The following CAMKK2 variants were observed in gnomAD, a reference collection of about 807,000 sequenced individuals.
The protein encoded by CAMKK2 is calcium/calmodulin dependent protein kinase kinase 2, also known as calcium/calmodulin-dependent protein kinase kinase 2.
A neutral mutation model predicts 67.2 loss-of-function variants in CAMKK2; 30 were observed. The ratio of observed to expected loss-of-function variants is 0.45; its 90% CI spans 0.33 to 0.61. The LOEUF (loss-of-function observed/expected upper bound fraction) is 0.61. Among genes scored for constraint, CAMKK2 ranks in the 20% least tolerant of loss-of-function variants. CAMKK2 has a pLI of 0.02. For missense variants in CAMKK2, 643 were observed against 802.0 expected, an observed-to-expected ratio of 0.80 and a Z score of 2.39; for synonymous variants, 322 against 326.2, an observed-to-expected ratio of 0.99 and a Z score of 0.14.
intron 6 of CAMKK2, among the ~76,000 whole-genome samples, chr12:121,260,727 C>A (rs112351334): frequency 6.6e-6 from 1 of 151,818 alleles, no homozygotes; most frequent in Admixed American, 6.6e-5. Flanking sequence ...CCGAGGCGGG[C>A]GGATCACCTG....
In CAMKK2 at chr12:121,240,283, CA is replaced by C; in HGVS notation, c.*415del. On this transcript the variant is annotated 3_prime_UTR_variant, in exon 17 of 17. Transcript: ENST00000404169. The surrounding 1 kb of genome is among the most constrained non-coding windows in gnomAD (Gnocchi z 4.4). ...GCCCCCTACTCCCTCTCAAATGCAG[CA>C]ACCACCTCCATGGCCTCAGACCGCC... 2 of 708,638 alleles carry C rather than the reference CA, an allele frequency of 2.8e-6. No homozygotes were observed. Among genetic ancestry groups the C allele is most frequent in the Non-Finnish European group, 4.6e-6 (2 of 434,684 alleles). 43.9% of individuals were successfully genotyped at this position (708,638 alleles called of 1,614,324 possible). A position where few individuals can be genotyped will look rare whatever the true frequency, so the allele number is the denominator to read the frequency against.
intron 1 of CAMKK2, among the ~76,000 whole-genome samples, chr12:121,283,004 C>T: frequency 6.6e-6 from 1 of 152,200 alleles, no homozygotes; most frequent in Non-Finnish European, 1.5e-5. Context: ...ATCCACCCGC[C>T]TCAGCCTCCC....
At chr12:121,244,986 G>A (rs1889143161) in intron 15 of CAMKK2, among the ~76,000 whole-genome samples, 154 bp downstream of exon 15, 1 of 152,246 alleles carries the variant, frequency 6.6e-6, no homozygotes, top group Admixed American at 6.5e-5. Flanking sequence ...AGGTTGGGGT[G>A]CTGACTGTCC....
At chr12:121,289,922 G>T (rs947697482) in intron 1 of CAMKK2, among the ~76,000 whole-genome samples, 2 of 151,392 alleles carry the variant, frequency 1.3e-5, no homozygotes, top group Non-Finnish European at 2.9e-5. Context: ...GGCGGGGCGG[G>T]GAGCCAAGGG....
In CAMKK2 at chr12:121,273,972, GC is replaced by G. The variant is rs1256445369; in HGVS notation, c.471+83del. On this transcript the variant is annotated intron_variant, in intron 2 of 16. Coordinates refer to ENST00000404169, the MANE Select transcript of CAMKK2 (RefSeq NM_001270485.2). ...GTGGCACTCAGATCCTTCTGGGGGA[GC>G]CCAACCTTCCACAGAGGCCCTGCTG... 50 of 1,097,726 alleles carry G rather than the reference GC, an allele frequency of 4.6e-5. No individual in the cohort carries two copies. In the Middle Eastern group the frequency reaches 1.6e-3, roughly 35 times the overall value. The allele number at this position is 1,097,726 out of a possible 1,614,324, so 68.0% of individuals were successfully genotyped here. A position where few individuals can be genotyped will look rare whatever the true frequency, so the allele number is the denominator to read the frequency against.
At chr12:121,283,557 G>A (rs960004989) in intron 1 of CAMKK2, among the ~76,000 whole-genome samples, 8 of 152,184 alleles carry the variant, frequency 5.3e-5, no homozygotes, top group African/African-American at 1.9e-4. Context: ...GCTCATGGCC[G>A]TAATCCCAGC....
Position 121,240,209 on chromosome 12 carries a change from G to A in CAMKK2, c.*490C>T, listed in dbSNP as rs919902319. The stretch of plus-strand genomic sequence containing the variant: ...CCCTGCTCTGACTCCTTGAGACCAC[G>A]GCTCTGGAAGGTGCCATGGTTTCCG... On this transcript the variant is annotated 3_prime_UTR_variant, in exon 17 of 17. Transcript: ENST00000404169. The surrounding 1 kb of genome is among the most constrained non-coding windows in gnomAD (Gnocchi z 4.4). The A allele has an allele frequency of 1.8e-6, 1 of 567,840 alleles. No individual in the cohort carries two copies. The highest frequency in any genetic ancestry group is 3.4e-5 in the Admixed American group (1 of 29,594). The allele number at this position is 567,840 out of a possible 1,614,324, so 35.2% of individuals were successfully genotyped here.
chr12:121,251,128 T>C (rs1490681338), intron 11 of CAMKK2, among the ~76,000 whole-genome samples: 1 of 152,226 alleles, frequency 6.6e-6, no homozygotes, highest in Non-Finnish European at 1.5e-5. Context: ...ACCACCCGTC[T>C]AAGGAAAACG....
At chr12:121,289,443 T>C (rs1899513353) in intron 1 of CAMKK2, among the ~76,000 whole-genome samples, 1 of 152,130 alleles carries the variant, frequency 6.6e-6, no homozygotes, top group South Asian at 2.1e-4. Context: ...ATTATCTTGG[T>C]TTTGTTGAGA....
chr12:121,254,816 TTC>T (rs1891525760), intron 9 of CAMKK2, among the ~76,000 whole-genome samples: 1 of 152,152 alleles, frequency 6.6e-6, no homozygotes, highest in South Asian at 2.1e-4. Flanking sequence ...TTTCACACAA[TTC>T]TGTTTCCCAC....
At chr12:121,290,571 G>T (rs113000354) in intron 1 of CAMKK2, among the ~76,000 whole-genome samples, 6,801 of 152,030 alleles carry the variant, frequency 0.045, 448 homozygotes, top group African/African-American at 0.14. Context: ...AGGGCTGTAG[G>T]CCCAGCTACT....
At chr12:121,246,374 C>T (rs1301745017) in intron 14 of CAMKK2, among the ~76,000 whole-genome samples, 6 of 151,658 alleles carry the variant, frequency 4.0e-5, no homozygotes, top group African/African-American at 9.7e-5. Context: ...GGAGAAACCG[C>T]GTCTCCACTA....
At chr12:121,271,246 C>A (rs2136407928) in intron 2 of CAMKK2, among the ~76,000 whole-genome samples, 1 of 147,760 alleles carries the variant, frequency 6.8e-6, no homozygotes, top group East Asian at 1.9e-4. Flanking sequence ...TGCACTCCAG[C>A]CTGGGCAAAA....
chr12:121,251,547 G>A (rs944777740), intron 11 of CAMKK2, among the ~76,000 whole-genome samples: 4 of 152,120 alleles, frequency 2.6e-5, no homozygotes, highest in Non-Finnish European at 5.9e-5. Context: ...AAGGCCAGGC[G>A]TGGTGGCTCA....
At position 121,285,131 on chromosome 12, in the gene CAMKK2, C is replaced by A. The variant is rs757470042; in HGVS notation, c.-59-10546G>T. ...GGTGGCCCTACAGGGCTGACCCCAC[C>A]ATCAGCTTCAGAGATTTGCATGTGA... On this transcript the variant is annotated intron_variant, in intron 1 of 16. Coordinates refer to ENST00000404169, the MANE Select transcript of CAMKK2 (RefSeq NM_001270485.2). The surrounding 1 kb of genome is among the most constrained non-coding windows in gnomAD (Gnocchi z 4.1). Among the ~76,000 whole-genome samples the A allele has an allele frequency of 2.8e-4, 42 of 152,226 alleles. No individual in the cohort carries two copies. The highest frequency in any genetic ancestry group is 3.3e-4 in the Admixed American group (5 of 15,276).
Position 121,276,116 on chromosome 12 carries a change from C to T in CAMKK2, c.-59-1531G>A, listed in dbSNP as rs535895802. Among the ~76,000 whole-genome samples the T allele has an allele frequency of 7.7e-5, 11 of 143,138 alleles. No individual in the cohort carries two copies. The South Asian group carries it at 1.8e-3, about 23-fold the overall frequency. 93.9% of individuals were successfully genotyped at this position (143,138 alleles called of 152,430 possible). On this transcript the variant is annotated intron_variant, in intron 1 of 16. Coordinates refer to ENST00000404169, the MANE Select transcript of CAMKK2 (RefSeq NM_001270485.2). ...CGGAGGTTGCAATGAGCCGAGATCA[C>T]GCCACTGCACTTCAGCCTGGATGAC...
Position 121,248,609 on chromosome 12 carries a change from G to C in CAMKK2, c.1449C>G (p.Thr483=). 1 of 1,614,140 alleles carries C rather than the reference G, an allele frequency of 6.2e-7. No individual in the cohort carries two copies. The highest frequency in any genetic ancestry group is 8.5e-7 in the Non-Finnish European group (1 of 1,180,000). The part of the protein sequence containing the change: ...NSVKHIPSLA[T]VILVKTMIRK... ...GTCAGGGGTCCATCCACCTTACCAC[G>C]GTTGCCAAGCTGGGAATGTGTTTGA... is the stretch of plus-strand genomic sequence containing the variant. The change falls in exon 14 of 17, where the codon ACC becomes ACG. Residue 483 remains threonine, a synonymous_variant. Coordinates refer to ENST00000404169, the MANE Select transcript of CAMKK2 (RefSeq NM_001270485.2).
At chr12:121,273,931 A>C in intron 2 of CAMKK2, 125 bp downstream of exon 2, 1 of 741,644 alleles carries the variant, frequency 1.3e-6, no homozygotes, top group Non-Finnish European at 2.1e-6. Context: ...CCCTGGAGTC[A>C]ACTCCTAGGT....
intron 11 of CAMKK2, among the ~76,000 whole-genome samples, 189 bp from the exon 12 acceptor site, chr12:121,250,223 G>A (rs1169809): frequency 0.23 from 34,410 of 151,964 alleles, 4,500 homozygotes; most frequent in Non-Finnish European, 0.3. Flanking sequence ...CCTGGCCGAC[G>A]CAGGGCAGAG....
Sources: gnomAD v4.1 joint callset for allele counts (sites outside exome capture counted in the v4.1 genomes callset) on GRCh38, gnomAD v4.1.1 for gene constraint, Gnocchi (gnomAD v3.1) non-coding constraint, MANE v1.5 for transcripts, NCBI Gene and HGNC (gene_info 2026-07-23, HGNC 2026-07-21) for gene names.